Variants in ZSCAN10 observed in about 807,000 individuals in gnomAD.
ZSCAN10 encodes the protein zinc finger and SCAN domain containing 10, also known as zinc finger and SCAN domain-containing protein 10.
In ZSCAN10, 52 loss-of-function variants were observed where a neutral mutation model predicts 63.7. That is an observed-to-expected ratio of 0.82 (90% CI 0.65 to 1.03). ZSCAN10 has a LOEUF of 1.03. Among genes scored for constraint, ZSCAN10 ranks in the 50% least tolerant of loss-of-function variants. The pLI, the probability that ZSCAN10 is intolerant of heterozygous loss-of-function variation, is 0.00. For synonymous variants in ZSCAN10, 544 were observed against 479.6 expected, an observed-to-expected ratio of 1.13 and a Z score of -1.76; for missense variants, 1,223 against 1,103.8, an observed-to-expected ratio of 1.11 and a Z score of -1.53.
At position 3,089,894 on chromosome 16, in the gene ZSCAN10, G is replaced by A; in HGVS notation, c.1540C>T (p.Arg514Cys). ...AAGGGCCTCCGGTCGGAGTCCCGGC[G>A]GCGGCTGCCGGAGCCTTCGGAGGAC... is the stretch of plus-strand genomic sequence containing the variant. ...RRSSEGSGSR[R>C]RDSDRRPFVC... The change falls in exon 6 of 6, where the codon CGC becomes TGC. Residue 514 changes from arginine to cysteine, a missense_variant. Physicochemically the swap from Arg to Cys is radical, Grantham distance 180. Coordinates refer to ENST00000576985, the MANE Select transcript of ZSCAN10 (RefSeq NM_032805.3). 3.3e-6 allele frequency: 5 copies of A among 1,535,084 alleles called. No homozygotes were observed. Among genetic ancestry groups the A allele is most frequent in the Non-Finnish European group, 4.4e-6 (5 of 1,145,314 alleles).
At chr16:3,094,753 AAAGT>A (rs1234989260) in intron 1 of ZSCAN10, among the ~76,000 whole-genome samples, 1 of 152,044 alleles carries the variant, frequency 6.6e-6, no homozygotes, top group Non-Finnish European at 1.5e-5. Context: ...AGTGTCATAA[AAAGT>A]AAGTGCCTGT....
At chr16:3,093,667 T>G (rs1000378431) in intron 1 of ZSCAN10, among the ~76,000 whole-genome samples, 2 of 149,178 alleles carry the variant, frequency 1.3e-5, no homozygotes, top group African/African-American at 5.0e-5. Context: ...AAAAGTTTGT[T>G]TTTTAAAGCT....
Position 3,092,561 on chromosome 16 carries a change from G to C in ZSCAN10, c.377C>G (p.Pro126Arg). Residue 126 changes from proline to arginine, a missense_variant, in exon 2 of 6, where the codon CCC (proline) becomes CGC (arginine). Physicochemically the swap from Pro to Arg is moderately radical, Grantham distance 103. Transcript: ENST00000576985. The stretch of plus-strand genomic sequence containing the variant: ...TCTCACCAGCGGCCCCGCGTGGCTG[G>C]GCTCCCGGTGGATGCCCTCGAGCAG... ...VLLLEGIHRE[P>R]SHAGPLDFSC... The C allele has an allele frequency of 6.5e-7, 1 of 1,548,392 alleles. No homozygotes were observed. The highest frequency in any genetic ancestry group is 8.7e-7 in the Non-Finnish European group (1 of 1,148,940).
At chr16:3,097,208 C>G (rs1247727648) in intron 1 of ZSCAN10, among the ~76,000 whole-genome samples, 3 of 151,712 alleles carry the variant, frequency 2.0e-5, no homozygotes, top group Non-Finnish European at 4.4e-5. Flanking sequence ...TGAGGGTTCC[C>G]TGAACCTCCT....
In ZSCAN10 at chr16:3,092,283, G is replaced by A. The variant is rs746969792; in HGVS notation, c.430C>T (p.Arg144Cys). The A allele has an allele frequency of 2.4e-5, 39 of 1,611,462 alleles. No individual in the cohort carries two copies. Among genetic ancestry groups the A allele is most frequent in the Admixed American group, 1.7e-5 (1 of 59,676 alleles). Residue 144 changes from arginine to cysteine, a missense_variant, in exon 3 of 6, where the codon CGT (arginine) becomes TGT (cysteine). Physicochemically the swap from Arg to Cys is radical, Grantham distance 180. Transcript: ENST00000576985. ...TTTTCCTCCAAGGTGACGTCTGCACGGGGACAACTCTTGCCAGCATTACAA... is the reference window on the plus strand; with the variant it reads ...TTTTCCTCCAAGGTGACGTCTGCACAGGGACAACTCTTGCCAGCATTACAA... ...FSCNAGKSCPRADVTLEEKGC... is the reference protein window; with the variant it reads ...FSCNAGKSCPCADVTLEEKGC...
chr16:3,095,598 G>A (rs980130829), intron 1 of ZSCAN10, among the ~76,000 whole-genome samples: 5 of 151,622 alleles, frequency 3.3e-5, no homozygotes, highest in East Asian at 1.9e-4. Flanking sequence ...TTGGGAGGCC[G>A]AGGGTGGATC....
In ZSCAN10 at chr16:3,092,584, C is replaced by T; in HGVS notation, c.354G>A (p.Leu118=). The change falls in exon 2 of 6, where the codon CTG becomes CTA. Residue 118 remains leucine (L), a synonymous_variant. Transcript: ENST00000576985. ...TGGGCTCCCGGTGGATGCCCTCGAGCAGCAGCACCACCTCCTCCCCATCCC... is the reference window on the plus strand; with the variant it reads ...TGGGCTCCCGGTGGATGCCCTCGAGTAGCAGCACCACCTCCTCCCCATCCC... ...PLRDGEEVVL[L]LEGIHREPSH... is the part of the protein sequence containing the mutation. 2 of 1,582,414 alleles carry T rather than the reference C, an allele frequency of 1.3e-6. No individual in the cohort carries two copies. Among genetic ancestry groups the T allele is most frequent in the Non-Finnish European group, 8.6e-7 (1 of 1,165,356 alleles).
At chr16:3,091,992 C>A (rs1398529332) in intron 3 of ZSCAN10, 57 bp downstream of exon 3, 10 of 1,554,886 alleles carry the variant, frequency 6.4e-6, no homozygotes, top group Non-Finnish European at 7.0e-6. Context: ...CCACCCCAGA[C>A]ATCCAGGCCC....
At chr16:3,095,827 C>CAAA (rs34598827) in intron 1 of ZSCAN10, among the ~76,000 whole-genome samples, 2 of 118,678 alleles carry the variant, frequency 1.7e-5, no homozygotes, top group Admixed American at 8.8e-5. Context: ...GACTCCATCT[C>CAAA]AAAAAAAAAA....
At chr16:3,095,106 G>C (rs1308029885) in intron 1 of ZSCAN10, among the ~76,000 whole-genome samples, 1 of 152,086 alleles carries the variant, frequency 6.6e-6, no homozygotes, top group Non-Finnish European at 1.5e-5. Flanking sequence ...AGGTTAGCGG[G>C]GCTGGCTCAC....
chr16:3,093,180 G>A (rs1353376361), intron 1 of ZSCAN10, 176 bp from the exon 2 acceptor site: 1 of 395,854 alleles, frequency 2.5e-6, no homozygotes, highest in African/African-American at 2.1e-5. Context: ...CAAAGCAAAG[G>A]CCAGAGAAAA....
At chr16:3,096,195 G>A (rs1329774968) in intron 1 of ZSCAN10, among the ~76,000 whole-genome samples, 1 of 152,332 alleles carries the variant, frequency 6.6e-6, no homozygotes, top group East Asian at 1.9e-4. Flanking sequence ...AATTGAGGCT[G>A]GATGATTTAA....
chr16:3,091,726 T>C, intron 4 of ZSCAN10, 38 bp downstream of exon 4: 1 of 1,586,036 alleles, frequency 6.3e-7, no homozygotes, highest in South Asian at 1.1e-5. Context: ...GAGAAGTTCC[T>C]GGGGCTTGAG....
intron 1 of ZSCAN10, among the ~76,000 whole-genome samples, chr16:3,093,514 CAA>C (rs544794714): frequency 4.8e-4 from 43 of 90,250 alleles, no homozygotes; most frequent in East Asian, 3.2e-4. Flanking sequence ...AGACTCAGAT[CAA>C]AAAAAAAAAA....
chr16:3,096,655 C>T (rs148639802), intron 1 of ZSCAN10, among the ~76,000 whole-genome samples: 2,918 of 152,274 alleles, frequency 0.019, 96 homozygotes, highest in Admixed American at 0.1. Context: ...TGGCCGAGTG[C>T]AGTGGCTCAG....
intron 1 of ZSCAN10, among the ~76,000 whole-genome samples, chr16:3,097,262 T>C (rs921037462): frequency 1.3e-5 from 2 of 151,984 alleles, no homozygotes; most frequent in African/African-American, 4.8e-5. Context: ...ATTTTAAGCT[T>C]AGCCGCTGAG....
chr16:3,097,193 G>C (rs549434211), intron 1 of ZSCAN10, among the ~76,000 whole-genome samples: 2 of 151,972 alleles, frequency 1.3e-5, no homozygotes, highest in African/African-American at 4.8e-5. Context: ...CCCTTAATAT[G>C]AGCCTGAGGG....
chr16:3,091,873 GC>G (rs1267916262), intron 3 of ZSCAN10, 45 bp from the exon 4 acceptor site: 1 of 1,583,166 alleles, frequency 6.3e-7, no homozygotes, highest in African/African-American at 1.4e-5. Flanking sequence ...TTAGAAGGCA[GC>G]CCTGCCTGCC....
At position 3,090,184 on chromosome 16, in the gene ZSCAN10, G is replaced by A. The variant is rs1303325551; in HGVS notation, c.1250C>T (p.Ser417Leu). The A allele has an allele frequency of 6.2e-7, 1 of 1,605,280 alleles. No individual in the cohort carries two copies. The highest frequency in any genetic ancestry group is 1.1e-5 in the South Asian group (1 of 90,830). ...GGTCAGCAGGTGCTTGCTCAGGTGC[G>A]AGCTCTGGCGGAAGCGGTGGCCGCA... ...HLCGHRFRQSSHLSKHLLTHS... is the reference protein window; with the variant it reads ...HLCGHRFRQSLHLSKHLLTHS... Residue 417 changes from serine to leucine, a missense_variant, in exon 6 of 6, where the codon TCG (serine) becomes TTG (leucine). Physicochemically the swap from Ser to Leu is moderately radical, Grantham distance 145. Coordinates refer to ENST00000576985, the MANE Select transcript of ZSCAN10 (RefSeq NM_032805.3).
Sources: gnomAD v4.1 joint callset for allele counts (sites outside exome capture counted in the v4.1 genomes callset) on GRCh38, gnomAD v4.1.1 for gene constraint, MANE v1.5 for transcripts, NCBI Gene and HGNC (gene_info 2026-07-23, HGNC 2026-07-21) for gene names.